The following EIF4G3 variants were observed in gnomAD, a reference collection of about 807,000 sequenced individuals.
The protein encoded by EIF4G3 is eukaryotic translation initiation factor 4 gamma 3.
In EIF4G3, 34 loss-of-function variants were observed where a neutral mutation model predicts 186.4. The observed-to-expected ratio is 0.18, with a 90% CI of 0.14 to 0.24. EIF4G3 has a LOEUF of 0.24. Among genes scored for constraint, EIF4G3 ranks in the 10% least tolerant of loss-of-function variants. EIF4G3 has a pLI of 1.00. For missense variants in EIF4G3, 1,536 were observed against 1,948.5 expected, an observed-to-expected ratio of 0.79 and a Z score of 3.99; for synonymous variants, 673 against 679.5, an observed-to-expected ratio of 0.99 and a Z score of 0.15.
intron 2 of EIF4G3, among the ~76,000 whole-genome samples, chr1:21,129,634 A>T (rs114406513): frequency 8.5e-5 from 13 of 152,272 alleles, no homozygotes; most frequent in African/African-American, 3.1e-4. Flanking sequence ...GCTATGAAGC[A>T]GAGGTCCCTG....
chr1:20,974,463 A>G (rs962824400), intron 10 of EIF4G3, among the ~76,000 whole-genome samples: 1 of 152,200 alleles, frequency 6.6e-6, no homozygotes, highest in African/African-American at 2.4e-5. Context: ...AAGAGGTCAA[A>G]TAAGATTTTT....
At chr1:20,943,967 ATTTTTTTTGTGTGTGTGTGTGT>A (rs1280039541) in intron 13 of EIF4G3, among the ~76,000 whole-genome samples, 62 of 65,380 alleles carry the variant, frequency 9.5e-4, no homozygotes, top group African/African-American at 3.4e-3. Flanking sequence ...ACTTGTCTTT[ATTTTTTTTGTGTGTGTGTGTGT>A]GTGTGTGTGT....
At chr1:21,170,630 C>A (rs1203345667) in intron 2 of EIF4G3, among the ~76,000 whole-genome samples, 1 of 150,174 alleles carries the variant, frequency 6.7e-6, no homozygotes, top group Non-Finnish European at 1.5e-5. Flanking sequence ...GAGACTGCGC[C>A]ACTGCACTCC....
intron 2 of EIF4G3, among the ~76,000 whole-genome samples, chr1:21,132,808 G>T (rs934317821): frequency 2.7e-5 from 4 of 150,510 alleles, no homozygotes; most frequent in African/African-American, 9.8e-5. Flanking sequence ...TTGGAGACAG[G>T]GTCTTGCTCT....
chr1:20,892,665 G>A, intron 18 of EIF4G3: 3 of 1,536,116 alleles, frequency 2.0e-6, no homozygotes, highest in Non-Finnish European at 2.6e-6. Flanking sequence ...CACCAGTGGA[G>A]GGCAAGTTGG....
chr1:20,913,800 ATTT>A (rs68098768), intron 14 of EIF4G3, among the ~76,000 whole-genome samples: 27 of 75,684 alleles, frequency 3.6e-4, no homozygotes, highest in African/African-American at 1.3e-3. Flanking sequence ...AATTATTAGA[ATTT>A]TTTTTTTTTT....
intron 7 of EIF4G3, 100 bp from the exon 8 acceptor site, chr1:20,982,508 C>CA: frequency 1.4e-6 from 1 of 728,906 alleles, no homozygotes; most frequent in Non-Finnish European, 2.1e-6. Context: ...TGCAGCTCAA[C>CA]AAAAATATCT....
chr1:20,848,875 C>T (rs1020182943), intron 29 of EIF4G3, among the ~76,000 whole-genome samples: 14 of 151,436 alleles, frequency 9.2e-5, no homozygotes, highest in African/African-American at 3.4e-4. Flanking sequence ...GGTGAAACCC[C>T]GCCTCTACTA....
chr1:20,897,287 A>G (rs994534999), intron 16 of EIF4G3, among the ~76,000 whole-genome samples: 2 of 152,208 alleles, frequency 1.3e-5, no homozygotes, highest in African/African-American at 2.4e-5. Flanking sequence ...CATTAAATAA[A>G]TAACTTAGAA....
At chr1:20,941,275 A>G (rs188686394) in intron 14 of EIF4G3, 20 of 1,550,652 alleles carry the variant, frequency 1.3e-5, no homozygotes, top group Admixed American at 1.2e-4. Context: ...GGCATTTTGT[A>G]TATTTGGAAA....
intron 3 of EIF4G3, among the ~76,000 whole-genome samples, chr1:21,079,248 C>T (rs1245025331): frequency 6.6e-6 from 1 of 152,094 alleles, no homozygotes; most frequent in Non-Finnish European, 1.5e-5. Flanking sequence ...TCCTAGCCTA[C>T]TCAATAGTGA....
chr1:20,810,498 G>A lies in EIF4G3; in HGVS notation c.4744+240C>T, dbSNP rs2059029631. Among the ~76,000 whole-genome samples the A allele has an allele frequency of 6.6e-6, 1 of 152,150 alleles. No individual in the cohort carries two copies. On this transcript the variant is annotated intron_variant, in intron 36 of 36. Coordinates refer to ENST00000602326, the MANE Select transcript of EIF4G3 (RefSeq NM_001391906.1). The surrounding 1 kb of genome is among the most constrained non-coding windows in gnomAD (Gnocchi z 4.1). ...GGATAGGGTTTCACCATGTTGGCCA[G>A]GCTGGTCTTGAACTCTTGACCTCAA...
At chr1:20,892,682 G>C in intron 18 of EIF4G3, 3 of 1,536,104 alleles carry the variant, frequency 2.0e-6, no homozygotes, top group Non-Finnish European at 2.6e-6. Context: ...TTGGGGCTTT[G>C]CTCTGTTCCA....
intron 14 of EIF4G3, chr1:20,941,133 G>GAAA: frequency 1.6e-6 from 2 of 1,258,000 alleles, no homozygotes; most frequent in Non-Finnish European, 2.1e-6. Context: ...AGGGACTATA[G>GAAA]ACCATCCTGG....
At chr1:20,982,540 GAAGA>G in intron 7 of EIF4G3, 132 bp from the exon 8 acceptor site, 1 of 549,344 alleles carries the variant, frequency 1.8e-6, no homozygotes, top group Non-Finnish European at 3.1e-6. Flanking sequence ...AATAATAGGA[GAAGA>G]AAGAAGACTA....
rs1179460837 is a variant in EIF4G3, at chr1:20,806,583, T to C, written c.*736A>G. 1.1e-4 allele frequency: 17 copies of C among 152,634 alleles called. No individual in the cohort carries two copies. 9.5% of individuals were successfully genotyped at this position (152,634 alleles called of 1,614,324 possible). A position where few individuals can be genotyped will look rare whatever the true frequency, so the allele number is the denominator to read the frequency against. The stretch of plus-strand genomic sequence containing the variant: ...TTTGTTTTTTTAAATATTTGTTCTA[T>C]GTATTTACAAGCCTTAAAGTTGCTC... On this transcript the variant is annotated 3_prime_UTR_variant, in exon 37 of 37. Coordinates refer to ENST00000602326, the MANE Select transcript of EIF4G3 (RefSeq NM_001391906.1).
At chr1:21,111,149 T>C (rs2096718806) in intron 2 of EIF4G3, among the ~76,000 whole-genome samples, 2 of 152,234 alleles carry the variant, frequency 1.3e-5, no homozygotes, top group South Asian at 4.1e-4. Flanking sequence ...AAACTTAATC[T>C]GTCACTGAAT....
intron 2 of EIF4G3, among the ~76,000 whole-genome samples, chr1:21,112,666 CCCAATT>C (rs1478322759): frequency 6.6e-6 from 1 of 152,080 alleles, no homozygotes. Flanking sequence ...TCTAGATATA[CCCAATT>C]CCCACAAAGA....
chr1:20,901,982 T>C (rs1307303542), intron 15 of EIF4G3, among the ~76,000 whole-genome samples: 1 of 152,166 alleles, frequency 6.6e-6, no homozygotes, highest in Non-Finnish European at 1.5e-5. Context: ...TGAAATGCTC[T>C]AAAATTTTAA....
Sources: gnomAD v4.1 joint callset for allele counts (sites outside exome capture counted in the v4.1 genomes callset) on GRCh38, gnomAD v4.1.1 for gene constraint, Gnocchi (gnomAD v3.1) non-coding constraint, MANE v1.5 for transcripts, NCBI Gene and HGNC (gene_info 2026-07-23, HGNC 2026-07-21) for gene names.